The following SPINT1 variants were observed in gnomAD, a reference collection of about 807,000 sequenced individuals.
SPINT1 encodes the protein kunitz-type protease inhibitor 1.
Under a neutral mutation model 53.7 loss-of-function variants are expected in SPINT1, and 38 were observed. The observed-to-expected ratio is 0.71, with a 90% CI of 0.55 to 0.93. The LOEUF (loss-of-function observed/expected upper bound fraction) is 0.93. SPINT1 is among the 40% of genes least tolerant of loss of function. The pLI is 0.00. For missense variants in SPINT1, 645 were observed against 692.9 expected, an observed-to-expected ratio of 0.93 and a Z score of 0.78; for synonymous variants, 283 against 280.6, an observed-to-expected ratio of 1.01 and a Z score of -0.08.
At chr15:40,852,633 G>C (rs950780525) in intron 2 of SPINT1, among the ~76,000 whole-genome samples, 1 of 149,324 alleles carries the variant, frequency 6.7e-6, no homozygotes, top group Non-Finnish European at 1.5e-5. Context: ...GTGTCTGTGT[G>C]TGTGTGTGTG....
At position 40,855,916 on chromosome 15, in the gene SPINT1, C is replaced by A. The variant is rs145514521; in HGVS notation, c.1142C>A (p.Thr381Lys). The stretch of plus-strand genomic sequence containing the variant: ...GGGCACTGCGTGGACCTGCCAGACA[C>A]AGGACTCTGCAAGGAGAGCATCCCG... ...DKGHCVDLPD[T>K]GLCKESIPRW... Residue 381 changes from threonine to lysine, a missense_variant, in exon 9 of 11, where the codon ACA (threonine) becomes AAA (lysine). Coordinates refer to ENST00000562057, the MANE Select transcript of SPINT1 (RefSeq NM_003710.4). The A allele has an allele frequency of 5.0e-6, 8 of 1,614,062 alleles. No homozygotes were observed. Among genetic ancestry groups the A allele is most frequent in the Non-Finnish European group, 6.8e-6 (8 of 1,180,016 alleles).
At position 40,857,097 on chromosome 15, in the gene SPINT1, C is replaced by A; in HGVS notation, c.*122C>A. 1 of 1,271,876 alleles carries A rather than the reference C, an allele frequency of 7.9e-7. No homozygotes were observed. The highest frequency in any genetic ancestry group is 1.1e-6 in the Non-Finnish European group (1 of 929,924). 78.8% of individuals were successfully genotyped at this position (1,271,876 alleles called of 1,614,324 possible). A position where few individuals can be genotyped will look rare whatever the true frequency, so the allele number is the denominator to read the frequency against. On this transcript the variant is annotated 3_prime_UTR_variant, in exon 11 of 11. Coordinates refer to ENST00000562057, the MANE Select transcript of SPINT1 (RefSeq NM_003710.4). ...TCCCAGGCCCACTGTGCCTCAGAGACCAGGGCTCCAGCCCCTCTTGGAGAA... is the reference window on the plus strand; with the variant it reads ...TCCCAGGCCCACTGTGCCTCAGAGAACAGGGCTCCAGCCCCTCTTGGAGAA...
intron 2 of SPINT1, among the ~76,000 whole-genome samples, chr15:40,852,588 G>A (rs1003565267): frequency 9.2e-5 from 14 of 151,540 alleles, no homozygotes; most frequent in African/African-American, 3.2e-4. Flanking sequence ...TATTTCTATT[G>A]TAGAAAATAG....
chr15:40,849,894 T>A (rs1353305893), intron 2 of SPINT1, among the ~76,000 whole-genome samples: 2 of 152,240 alleles, frequency 1.3e-5, no homozygotes, highest in African/African-American at 4.8e-5. Context: ...ATTATTAGGC[T>A]TTGTGGGCCA....
chr15:40,855,565 G>C (rs1477214339), intron 8 of SPINT1, among the ~76,000 whole-genome samples: 2 of 152,058 alleles, frequency 1.3e-5, no homozygotes, highest in African/African-American at 2.4e-5. Context: ...GGCCAACCTG[G>C]GCAACATAGC....
At chr15:40,852,998 A>G in intron 2 of SPINT1, 126 bp from the exon 3 acceptor site, 1 of 1,247,946 alleles carries the variant, frequency 8.0e-7, no homozygotes, top group Admixed American at 2.3e-5. Context: ...CCCGCACCCC[A>G]TGCAGGCTGT....
Position 40,855,951 on chromosome 15 carries a change from T to G in SPINT1, c.1177T>G (p.Tyr393Asp), listed in dbSNP as rs1466371854. ...LCKESIPRWY[Y>D]NPFSEHCARF... ...CAAGGAGAGCATCCCGCGCTGGTAC[T>G]ACAACCCCTTCAGCGAACACTGCGC... Residue 393 changes from tyrosine to aspartate, a missense_variant, in exon 9 of 11, where the codon TAC becomes GAC. By Grantham distance (160) the Tyr-to-Asp change is radical. Transcript: ENST00000562057. The G allele has an allele frequency of 6.2e-7, 1 of 1,614,120 alleles. No homozygotes were observed. The highest frequency in any genetic ancestry group is 8.5e-7 in the Non-Finnish European group (1 of 1,180,052).
In SPINT1 at chr15:40,856,805, A is replaced by T. The variant is rs369798368; in HGVS notation, c.1372A>T (p.Ile458Phe). 1 of 1,613,976 alleles carries T rather than the reference A, an allele frequency of 6.2e-7. No individual in the cohort carries two copies. The highest frequency in any genetic ancestry group is 1.3e-5 in the African/African-American group (1 of 74,890). ...VEMAVAVFLV[I>F]CIVVVVAILG... ...GATGGCTGTCGCAGTGTTCCTGGTC[A>T]TCTGCATTGTGGTGGTGGTAGCCAT... The change falls in exon 11 of 11, where the codon ATC becomes TTC. Residue 458 changes from isoleucine (I) to phenylalanine (F), a missense_variant. Coordinates refer to ENST00000562057, the MANE Select transcript of SPINT1 (RefSeq NM_003710.4).
intron 8 of SPINT1, among the ~76,000 whole-genome samples, chr15:40,855,250 G>A (rs900884501): frequency 7.2e-5 from 11 of 152,108 alleles, no homozygotes; most frequent in Admixed American, 2.6e-4. Flanking sequence ...ATGTGGTTGC[G>A]CGTTCCTGTA....
Position 40,844,219 on chromosome 15 carries a change from G to T in SPINT1, c.-66+33G>T. On this transcript the variant is annotated intron_variant, in intron 1 of 10. Coordinates refer to ENST00000562057, the MANE Select transcript of SPINT1 (RefSeq NM_003710.4). The surrounding 1 kb of genome is among the most constrained non-coding windows in gnomAD (Gnocchi z 5.8). ...GGGCCCCCGCGCGCAAGGCCGAGGC[G>T]CAGGCGGAGCGGGCTGGAGCATGTC... 1 of 418,774 alleles carries T rather than the reference G, an allele frequency of 2.4e-6. No homozygotes were observed. The highest frequency in any genetic ancestry group is 4.4e-6 in the Non-Finnish European group (1 of 226,070). The allele number at this position is 418,774 out of a possible 1,614,324, so 25.9% of individuals were successfully genotyped here. A position where few individuals can be genotyped will look rare whatever the true frequency, so the allele number is the denominator to read the frequency against.
At position 40,857,722 on chromosome 15, in the gene SPINT1, T is replaced by G. The variant is rs1473349015; in HGVS notation, c.*747T>G. The G allele has an allele frequency of 1.3e-5, 2 of 152,314 alleles. No individual in the cohort carries two copies. Among genetic ancestry groups the G allele is most frequent in the Non-Finnish European group, 2.9e-5 (2 of 68,144 alleles). The allele number at this position is 152,314 out of a possible 1,614,324, so 9.4% of individuals were successfully genotyped here. On this transcript the variant is annotated 3_prime_UTR_variant, in exon 11 of 11. Transcript: ENST00000562057. The stretch of plus-strand genomic sequence containing the variant: ...GCTGGGGGGTGATGGGACCGTCCTG[T>G]TCAGCTGGTTCAGGCTTCAGCCACC...
At position 40,853,242 on chromosome 15, in the gene SPINT1, C is replaced by T. The variant is rs1276150385; in HGVS notation, c.594C>T (p.Val198=). The T allele has an allele frequency of 1.9e-6, 3 of 1,614,168 alleles. No individual in the cohort carries two copies. The highest frequency in any genetic ancestry group is 1.7e-6 in the Non-Finnish European group (2 of 1,180,000). ...DWRLLRGDTD[V]RVERKDPNQV... Reference sequence around the variant, plus strand: ...GCCTACTGCGGGGTGACACGGATGTCAGGGTAGAGGTGAGACACTGGGCTG... The same window carrying T: ...GCCTACTGCGGGGTGACACGGATGTTAGGGTAGAGGTGAGACACTGGGCTG... Residue 198 remains valine, a synonymous_variant, in exon 3 of 11, where the codon GTC becomes GTT. Coordinates refer to ENST00000562057, the MANE Select transcript of SPINT1 (RefSeq NM_003710.4).
Position 40,857,438 on chromosome 15 carries a change from G to T in SPINT1, c.*463G>T. 6.3e-6 allele frequency: 1 copy of T among 159,046 alleles called. No individual in the cohort carries two copies. The highest frequency in any genetic ancestry group is 1.8e-4 in the East Asian group (1 of 5,414). The allele number at this position is 159,046 out of a possible 1,614,324, so 9.9% of individuals were successfully genotyped here. Reference sequence around the variant, plus strand: ...TTGCTTTTTGTTTATTTAATGCTGTGGCATGGGTGAAGAGGAGGGGAAGAG... The same window carrying T: ...TTGCTTTTTGTTTATTTAATGCTGTTGCATGGGTGAAGAGGAGGGGAAGAG... On this transcript the variant is annotated 3_prime_UTR_variant, in exon 11 of 11. Coordinates refer to ENST00000562057, the MANE Select transcript of SPINT1 (RefSeq NM_003710.4).
intron 2 of SPINT1, among the ~76,000 whole-genome samples, chr15:40,845,936 C>T (rs983291248): frequency 1.1e-4 from 16 of 152,134 alleles, no homozygotes; most frequent in Non-Finnish European, 2.1e-4. Context: ...CTGCCAGATC[C>T]GAGACTAGAA....
chr15:40,845,317 A>ATTTTTT (rs1566852110), intron 2 of SPINT1, among the ~76,000 whole-genome samples: 1 of 79,648 alleles, frequency 1.3e-5, no homozygotes, highest in African/African-American at 5.2e-5. Flanking sequence ...AGACCCGGCT[A>ATTTTTT]ATTTTTTTTT....
At chr15:40,846,338 A>C (rs921660617) in intron 2 of SPINT1, among the ~76,000 whole-genome samples, 1 of 151,902 alleles carries the variant, frequency 6.6e-6, no homozygotes, top group Non-Finnish European at 1.5e-5. Context: ...ACCTCTCATA[A>C]CCTCTGTGAG....
chr15:40,854,767 T>C, intron 8 of SPINT1, 78 bp downstream of exon 8: 2 of 1,561,214 alleles, frequency 1.3e-6, no homozygotes, highest in South Asian at 1.1e-5. Context: ...CAGCAGTGCC[T>C]GAGGGGCCTG....
At chr15:40,846,538 A>G (rs1891304115) in intron 2 of SPINT1, among the ~76,000 whole-genome samples, 1 of 152,068 alleles carries the variant, frequency 6.6e-6, no homozygotes, top group Non-Finnish European at 1.5e-5. Context: ...CCCAGGGGAG[A>G]CCTCCAAAAA....
In SPINT1 at chr15:40,845,034, G is replaced by A. The variant is rs202049185; in HGVS notation, c.475+5G>A. On this transcript the variant is annotated splice_donor_5th_base_variant and intron_variant, in intron 2 of 10. Coordinates refer to ENST00000562057, the MANE Select transcript of SPINT1 (RefSeq NM_003710.4). ...TGCGGACCCAGGGCTTTGGAGGTGAGGAGGGTGCCAAGATGGATGGGTTTG... is the reference window on the plus strand; with the variant it reads ...TGCGGACCCAGGGCTTTGGAGGTGAAGAGGGTGCCAAGATGGATGGGTTTG... 1.0e-5 allele frequency: 16 copies of A among 1,597,564 alleles called. No homozygotes were observed. Among genetic ancestry groups the A allele is most frequent in the Non-Finnish European group, 1.4e-5 (16 of 1,171,776 alleles).
Sources: allele counts gnomAD v4.1 joint callset (sites outside exome capture counted in the v4.1 genomes callset), GRCh38; gene constraint gnomAD v4.1.1; non-coding constraint Gnocchi (gnomAD v3.1); transcripts MANE v1.5; gene names NCBI Gene and HGNC (gene_info 2026-07-23, HGNC 2026-07-21).